SPMIP11: variants seen among roughly 807,000 people sequenced by gnomAD.
SPMIP11 encodes long intergenic non-protein coding RNA 935.
At chr12:48,765,472 AC>A in the SPMIP11 span, 1 of 611,848 alleles carries the variant, frequency 1.6e-6, no homozygotes, top group South Asian at 1.9e-5. Context: ...CTTGTGATCC[AC>A]CCGCCAGGGC....
the SPMIP11 span, chr12:48,768,792 G>A: frequency 6.3e-7 from 1 of 1,579,900 alleles, no homozygotes; most frequent in Non-Finnish European, 8.6e-7. Flanking sequence ...GGGTTCTCTA[G>A]TCAGGCTAGC....
chr12:48,750,661 C>T, the SPMIP11 span, among the ~76,000 whole-genome samples: 12 of 152,160 alleles, frequency 7.9e-5, no homozygotes, highest in Non-Finnish European at 1.2e-4. Flanking sequence ...GCATTCTCTT[C>T]GTCTCCTAGC....
At chr12:48,735,119 G>A in the SPMIP11 span, among the ~76,000 whole-genome samples, 4 of 151,858 alleles carry the variant, frequency 2.6e-5, no homozygotes, top group Non-Finnish European at 5.9e-5. Context: ...AGCCAGCAAG[G>A]CATCAGTCCT....
the SPMIP11 span, chr12:48,768,705 G>A: frequency 6.2e-7 from 1 of 1,614,068 alleles, no homozygotes. Flanking sequence ...CCTGGTACAG[G>A]TCCGTGGTCA....
the SPMIP11 span, among the ~76,000 whole-genome samples, chr12:48,750,563 T>C: frequency 1.3e-5 from 2 of 152,124 alleles, no homozygotes; most frequent in Non-Finnish European, 2.9e-5. Context: ...TGGACCACCA[T>C]GGGGAACATG....
chr12:48,769,856 G>A, the SPMIP11 span, among the ~76,000 whole-genome samples: 1 of 151,276 alleles, frequency 6.6e-6, no homozygotes, highest in East Asian at 1.9e-4. Context: ...CCGCCTCCCG[G>A]GTTCACACCA....
At chr12:48,739,182 G>T in the SPMIP11 span, among the ~76,000 whole-genome samples, 1 of 151,950 alleles carries the variant, frequency 6.6e-6, no homozygotes, top group African/African-American at 2.4e-5. Context: ...CAAATAACTA[G>T]TGATCCTTGG....
chr12:48,752,337 C>T, the SPMIP11 span, among the ~76,000 whole-genome samples: 7 of 152,098 alleles, frequency 4.6e-5, no homozygotes, highest in South Asian at 8.3e-4. Context: ...GTACAAAAAA[C>T]GCTGGCTGGC....
At chr12:48,768,735 A>G in the SPMIP11 span, 40 of 1,611,910 alleles carry the variant, frequency 2.5e-5, no homozygotes, top group Admixed American at 6.7e-4. Flanking sequence ...GTGGGAGGGG[A>G]GCCCGCTTAG....
chr12:48,754,806 G>A, the SPMIP11 span, among the ~76,000 whole-genome samples: 17 of 149,086 alleles, frequency 1.1e-4, no homozygotes, highest in African/African-American at 4.4e-4. Context: ...GAGTGCAGTG[G>A]CACAATCACA....
At chr12:48,744,070 G>A in the SPMIP11 span, among the ~76,000 whole-genome samples, 5 of 147,718 alleles carry the variant, frequency 3.4e-5, no homozygotes, top group Admixed American at 1.4e-4. Flanking sequence ...CCAACATGGA[G>A]AAACCCCATC....
At chr12:48,743,680 G>A in the SPMIP11 span, among the ~76,000 whole-genome samples, 3 of 151,408 alleles carry the variant, frequency 2.0e-5, no homozygotes, top group African/African-American at 7.3e-5. Context: ...TGTGGCTCAC[G>A]CCTGTAATCC....
the SPMIP11 span, among the ~76,000 whole-genome samples, chr12:48,743,868 G>T: frequency 7.3e-6 from 1 of 137,796 alleles, no homozygotes; most frequent in Admixed American, 7.4e-5. Context: ...GGAGGTAGAG[G>T]TTGCAGTGAG....
the SPMIP11 span, among the ~76,000 whole-genome samples, chr12:48,742,522 T>A: frequency 6.6e-6 from 1 of 151,926 alleles, no homozygotes; most frequent in East Asian, 2.0e-4. Context: ...CCTCGTGATC[T>A]GCCTACCTCA....
the SPMIP11 span, among the ~76,000 whole-genome samples, chr12:48,736,908 C>T: frequency 6.6e-6 from 1 of 151,666 alleles, no homozygotes; most frequent in Non-Finnish European, 1.5e-5. Flanking sequence ...CTCTAGCTTC[C>T]AGTTACATTC....
the SPMIP11 span, among the ~76,000 whole-genome samples, chr12:48,755,408 G>A: frequency 6.6e-6 from 1 of 152,174 alleles, no homozygotes; most frequent in South Asian, 2.1e-4. Context: ...CCTTACCACA[G>A]TGGAGTTTGG....
chr12:48,765,619 C>T, the SPMIP11 span: 25 of 702,892 alleles, frequency 3.6e-5, no homozygotes, highest in Admixed American at 1.2e-4. Flanking sequence ...TTATGGATCA[C>T]TCTATTCTCA....
chr12:48,745,795 A>C, the SPMIP11 span, among the ~76,000 whole-genome samples: 3 of 152,248 alleles, frequency 2.0e-5, no homozygotes. Context: ...AAAAGACATC[A>C]TAAAGTTAAA....
the SPMIP11 span, among the ~76,000 whole-genome samples, chr12:48,728,633 G>A: frequency 1.9e-3 from 294 of 151,250 alleles, 1 homozygote; most frequent in African/African-American, 6.5e-3. Context: ...GTGTGAACCC[G>A]GGAGGCGGAG....
Sources: gnomAD v4.1 joint callset for allele counts (sites outside exome capture counted in the v4.1 genomes callset) on GRCh38, gnomAD v4.1.1 for gene constraint, MANE v1.5 for transcripts, NCBI Gene and HGNC (gene_info 2026-07-23, HGNC 2026-07-21) for gene names.